The following TP53BP2 variants were observed in gnomAD, a reference collection of about 807,000 sequenced individuals.
The protein encoded by TP53BP2 is apoptosis-stimulating of p53 protein 2.
In TP53BP2, 62 loss-of-function variants were observed where a neutral mutation model predicts 126.2. The ratio of observed to expected loss-of-function variants is 0.49; its 90% confidence interval spans 0.40 to 0.61. The LOEUF (loss-of-function observed/expected upper bound fraction) is 0.61. TP53BP2 is among the 20% of genes least tolerant of loss of function. TP53BP2 has a pLI of 0.00. For synonymous variants in TP53BP2, 485 were observed against 502.9 expected, an observed-to-expected ratio of 0.96 and a Z score of 0.48; for missense variants, 1,215 against 1,402.8, an observed-to-expected ratio of 0.87 and a Z score of 2.14.
chr1:223,819,867 G>A (rs1663239821), intron 2 of TP53BP2, among the ~76,000 whole-genome samples: 1 of 152,156 alleles, frequency 6.6e-6, no homozygotes, highest in Non-Finnish European at 1.5e-5. Flanking sequence ...CCCTTGAGCT[G>A]GGGATACAGC....
At chr1:223,786,581 C>CAT (rs1553258004) in intron 16 of TP53BP2, among the ~76,000 whole-genome samples, 7 of 144,500 alleles carry the variant, frequency 4.8e-5, no homozygotes, top group African/African-American at 1.5e-4. Context: ...TGCGTGTGTG[C>CAT]GTGTGTGTGT....
chr1:223,807,879 C>T (rs988496839), intron 4 of TP53BP2, among the ~76,000 whole-genome samples: 4 of 152,158 alleles, frequency 2.6e-5, no homozygotes, highest in Admixed American at 2.6e-4. Context: ...ATTGATTCAA[C>T]AAAATCTCAA....
chr1:223,802,967 G>T, intron 7 of TP53BP2, 72 bp from the exon 8 acceptor site: 1 of 1,478,456 alleles, frequency 6.8e-7, no homozygotes. Flanking sequence ...TAATCACATG[G>T]TTAACTATTA....
At chr1:223,786,625 G>A (rs868336352) in intron 16 of TP53BP2, among the ~76,000 whole-genome samples, 3 of 134,502 alleles carry the variant, frequency 2.2e-5, no homozygotes, top group African/African-American at 5.8e-5. Flanking sequence ...TTTTTCCCCC[G>A]AGATGGAGTC....
rs546458864 is a variant in TP53BP2 at position 223,843,793 on chromosome 1, TAATAA to T, written c.27+1856_27+1860del. 3.7e-4 allele frequency among the ~76,000 whole-genome samples: 57 copies of T among 152,324 alleles called. No homozygotes were observed. The South Asian group carries it at 4.8e-3, about 13-fold the overall frequency. ...AAAAGCCAAAGATGAGAAATATACT[TAATAA>T]AAGTTTTATTTTCAAATATCCAAAA... On this transcript the variant is annotated intron_variant, in intron 1 of 17. Transcript: ENST00000343537.
chr1:223,808,588 A>G (rs1181670723), intron 4 of TP53BP2, among the ~76,000 whole-genome samples: 3 of 151,874 alleles, frequency 2.0e-5, no homozygotes, highest in Non-Finnish European at 4.4e-5. Flanking sequence ...ATATGCAAAC[A>G]TTAACTCAAT....
At chr1:223,790,334 ATCAC>A (rs1446700943) in intron 15 of TP53BP2, among the ~76,000 whole-genome samples, 1 of 151,974 alleles carries the variant, frequency 6.6e-6, no homozygotes, top group Non-Finnish European at 1.5e-5. Flanking sequence ...AGGAGGGCAG[ATCAC>A]TTGAGTTCAA....
chr1:223,815,264 A>G (rs1359898515), intron 2 of TP53BP2, among the ~76,000 whole-genome samples: 1 of 152,230 alleles, frequency 6.6e-6, no homozygotes, highest in Admixed American at 6.5e-5. Flanking sequence ...AATTTGGTGA[A>G]CCAACCCTGA....
chr1:223,830,458 C>T (rs1663657944), intron 1 of TP53BP2, among the ~76,000 whole-genome samples: 1 of 151,706 alleles, frequency 6.6e-6, no homozygotes, highest in Admixed American at 6.6e-5. Flanking sequence ...AAAAATCCTA[C>T]TTAGAAAGTA....
chr1:223,818,502 C>CAAAAA (rs60296469), intron 2 of TP53BP2, among the ~76,000 whole-genome samples: 6 of 88,100 alleles, frequency 6.8e-5, no homozygotes, highest in African/African-American at 3.6e-5. Flanking sequence ...GACTCCATCT[C>CAAAAA]AAAAAAAAAA....
At chr1:223,822,338 T>C (rs1362134162) in intron 1 of TP53BP2, among the ~76,000 whole-genome samples, 2 of 152,064 alleles carry the variant, frequency 1.3e-5, no homozygotes, top group Non-Finnish European at 2.9e-5. Context: ...ACCTTGTATA[T>C]AAACACTGAG....
rs1664260353 is a variant in TP53BP2 at position 223,845,832 on chromosome 1, G to A, written c.-152C>T. On this transcript the variant is annotated 5_prime_UTR_variant, in exon 1 of 18. Transcript: ENST00000343537. ...GGCGCGCGGGTCCGAAGGGCCCTCC[G>A]CGCGGGCTGGGGCACCAACAAGCCC... 2 of 594,940 alleles carry A rather than the reference G, an allele frequency of 3.4e-6. No individual in the cohort carries two copies. The highest frequency in any genetic ancestry group is 8.4e-5 in the East Asian group (2 of 23,846). 36.9% of individuals were successfully genotyped at this position (594,940 alleles called of 1,614,324 possible). A position where few individuals can be genotyped will look rare whatever the true frequency, so the allele number is the denominator to read the frequency against.
At position 223,784,308 on chromosome 1, in the gene TP53BP2, T is replaced by C; in HGVS notation, c.3170A>G (p.Gln1057Arg). The C allele has an allele frequency of 6.2e-7, 1 of 1,614,128 alleles. No individual in the cohort carries two copies. The change falls in exon 17 of 18, where the codon CAG (glutamine) becomes CGG (arginine). Residue 1057 changes from glutamine (Q) to arginine (R), a missense_variant. This residue lies in a region of TP53BP2 where 151 missense variants were observed against 231.2 expected (regional missense o/e 0.65). Transcript: ENST00000343537. The stretch of plus-strand genomic sequence containing the variant: ...TTTATTCATTATGCCCATCTTCTCC[T>C]GAACTCCTAAAATCATGACAGTAAG... ...TQCSQFLYGV[Q>R]EKMGIMNKGV...
chr1:223,820,699 AT>A (rs906004886), intron 2 of TP53BP2, among the ~76,000 whole-genome samples: 67 of 152,152 alleles, frequency 4.4e-4, no homozygotes, highest in African/African-American at 1.5e-3. Context: ...ATGATGAAAA[AT>A]TACTCCCACA....
At chr1:223,791,270 AAAAAT>A (rs1662146888) in intron 15 of TP53BP2, among the ~76,000 whole-genome samples, 1 of 109,440 alleles carries the variant, frequency 9.1e-6, no homozygotes, top group Admixed American at 1.0e-4. Flanking sequence ...CTACAAAAAT[AAAAAT>A]AAAAATAAAA....
chr1:223,815,386 C>G (rs748439669), intron 2 of TP53BP2, among the ~76,000 whole-genome samples: 14 of 152,076 alleles, frequency 9.2e-5, no homozygotes, highest in Admixed American at 7.2e-4. Flanking sequence ...ATTCTAAGAC[C>G]TCCCCCAAAA....
intron 16 of TP53BP2, among the ~76,000 whole-genome samples, chr1:223,788,673 A>AG (rs1365587007): frequency 6.6e-6 from 1 of 152,078 alleles, no homozygotes; most frequent in Non-Finnish European, 1.5e-5. Flanking sequence ...TTGTTAGGAG[A>AG]GGGGGGTCTG....
In TP53BP2 at chr1:223,845,579, G is replaced by C. The variant is rs551600061; in HGVS notation, c.27+75C>G. The C allele has an allele frequency of 4.5e-3, 6,446 of 1,434,178 alleles. 40 individuals carry two copies. The highest frequency in any genetic ancestry group is 7.1e-3 in the Middle Eastern group (35 of 4,898). 88.8% of individuals were successfully genotyped at this position (1,434,178 alleles called of 1,614,324 possible). On this transcript the variant is annotated intron_variant, in intron 1 of 17. Transcript: ENST00000343537. ...CCCAGGCTCCTTCCCCGACGCGCCC[G>C]AGGGCGCGGACCAGCCCCCGGCACG...
intron 15 of TP53BP2, among the ~76,000 whole-genome samples, chr1:223,791,690 G>C (rs545556416): frequency 6.6e-6 from 1 of 152,216 alleles, no homozygotes; most frequent in South Asian, 2.1e-4. Context: ...AATATAGTGT[G>C]ATTACAACTT....
Sources: allele counts gnomAD v4.1 joint callset (sites outside exome capture counted in the v4.1 genomes callset), GRCh38; gene constraint gnomAD v4.1.1; regional missense constraint gnomAD v4.1.1; transcripts MANE v1.5; gene names NCBI Gene and HGNC (gene_info 2026-07-23, HGNC 2026-07-21).